CBY2: variants seen among roughly 807,000 people sequenced by gnomAD.
CBY2 encodes chibby family member 2.
Under a neutral mutation model 25.3 loss-of-function variants are expected in CBY2, and 23 were observed. The ratio of observed to expected loss-of-function variants is 0.91; its 90% confidence interval spans 0.65 to 1.29. The LOEUF (loss-of-function observed/expected upper bound fraction) is 1.29. CBY2 is among the 50% of genes most tolerant of loss of function. The pLI is 0.00. For missense variants in CBY2, 642 were observed against 590.7 expected, an observed-to-expected ratio of 1.09 and a Z score of -0.90; for synonymous variants, 279 against 260.2, an observed-to-expected ratio of 1.07 and a Z score of -0.70.
Position 45,704,254 on chromosome 13 carries a change from A to G in CBY2, c.156+1399A>G, listed in dbSNP as rs1950227823. Among the ~76,000 whole-genome samples, 2 of 152,070 alleles carry G rather than the reference A, an allele frequency of 1.3e-5. No homozygotes were observed. The highest frequency in any genetic ancestry group is 4.1e-4 in the South Asian group (2 of 4,822). ...CAGAAACAGCCCAACGATCAAGGAG[A>G]AGAGAAGGTGGTTTAAGACAGCTCA... On this transcript the variant is annotated intron_variant, in intron 2 of 2. Transcript: ENST00000310521. The surrounding 1 kb of genome is among the most constrained non-coding windows in gnomAD (Gnocchi z 4.1).
At chr13:45,706,874 A>T (rs999328911) in intron 2 of CBY2, among the ~76,000 whole-genome samples, 1 of 152,148 alleles carries the variant, frequency 6.6e-6, no homozygotes, top group Non-Finnish European at 1.5e-5. Flanking sequence ...CTGGAACTGC[A>T]TATGTTCGCT....
Position 45,704,754 on chromosome 13 carries a change from T to C in CBY2, c.156+1899T>C, listed in dbSNP as rs969972324. The stretch of plus-strand genomic sequence containing the variant: ...CCGGCAACCCCAGGAACCCCACTAG[T>C]AATGGCAGAGCTCGAGGAAGGGGCT... On this transcript the variant is annotated intron_variant, in intron 2 of 2. Coordinates refer to ENST00000310521, the MANE Select transcript of CBY2 (RefSeq NM_152719.3). This position sits in a 1 kb window ranked among gnomAD's most constrained non-coding sequence, Gnocchi z 4.1. 6.6e-6 allele frequency among the ~76,000 whole-genome samples: 1 copy of C among 152,158 alleles called. No individual in the cohort carries two copies. Among genetic ancestry groups the C allele is most frequent in the African/African-American group, 2.4e-5 (1 of 41,444 alleles).
At chr13:45,705,060 G>A (rs1373723840) in intron 2 of CBY2, among the ~76,000 whole-genome samples, 1 of 152,188 alleles carries the variant, frequency 6.6e-6, no homozygotes, top group African/African-American at 2.4e-5. Flanking sequence ...CCTGCTGTGC[G>A]TTTGGGCTTC....
chr13:45,711,897 TG>T (rs1185819228), intron 2 of CBY2, among the ~76,000 whole-genome samples: 3 of 152,184 alleles, frequency 2.0e-5, no homozygotes, highest in African/African-American at 7.2e-5. Context: ...ATGTCTGGGA[TG>T]GGTTTTCTTT....
At chr13:45,703,366 A>G in intron 2 of CBY2, 1 of 1,437,812 alleles carries the variant, frequency 7.0e-7, no homozygotes, top group Non-Finnish European at 9.1e-7. Flanking sequence ...ATGCTTTTTC[A>G]GTCAATGAAT....
intron 2 of CBY2, among the ~76,000 whole-genome samples, chr13:45,709,888 A>T (rs181406539): frequency 1.4e-4 from 22 of 152,348 alleles, no homozygotes; most frequent in African/African-American, 4.8e-4. Context: ...TACTTCACAC[A>T]TAGAAGGTCA....
Position 45,714,103 on chromosome 13 carries a change from A to G in CBY2, c.1078A>G (p.Arg360Gly). The G allele has an allele frequency of 6.4e-7, 1 of 1,557,642 alleles. No homozygotes were observed. The highest frequency in any genetic ancestry group is 2.3e-5 in the East Asian group (1 of 43,238). Residue 360 changes from arginine (R) to glycine (G), a missense_variant, in exon 3 of 3, where the codon AGA (arginine) becomes GGA (glycine). By Grantham distance (125) the Arg-to-Gly change is moderately radical (BLOSUM62 -2). Transcript: ENST00000310521. ...PDGCQPLQLL[R>G]EMRQALQALL... The stretch of plus-strand genomic sequence containing the variant: ...CGGCTGCCAGCCCCTGCAGCTGCTG[A>G]GAGAGATGAGGCAGGCGCTGCAGGC...
rs776992104 is a variant in CBY2 at position 45,713,779 on chromosome 13, G to A, written c.754G>A (p.Glu252Lys). The A allele has an allele frequency of 6.3e-7, 1 of 1,597,284 alleles. No homozygotes were observed. Among genetic ancestry groups the A allele is most frequent in the Non-Finnish European group, 8.5e-7 (1 of 1,172,204 alleles). ...GGACAGCACCCTGCAGCTCCTCCGG[G>A]AGGAGAATCGCGCGCTGCAGCAGCT... ...KEDSTLQLLR[E>K]ENRALQQLLE... The change falls in exon 3 of 3, where the codon GAG becomes AAG. Residue 252 changes from glutamate to lysine, a missense_variant. Transcript: ENST00000310521. This position sits in a 1 kb window ranked among gnomAD's most constrained non-coding sequence, Gnocchi z 5.0.
Position 45,713,431 on chromosome 13 carries a change from G to A in CBY2, c.406G>A (p.Val136Ile), listed in dbSNP as rs755027546. 1 of 1,614,210 alleles carries A rather than the reference G, an allele frequency of 6.2e-7. No individual in the cohort carries two copies. The highest frequency in any genetic ancestry group is 1.1e-5 in the South Asian group (1 of 91,080). Residue 136 changes from valine (V) to isoleucine (I), a missense_variant, in exon 3 of 3, where the codon GTA (valine) becomes ATA (isoleucine). By Grantham distance (29) the Val-to-Ile change is conservative (BLOSUM62 3). Coordinates refer to ENST00000310521, the MANE Select transcript of CBY2 (RefSeq NM_152719.3). The surrounding 1 kb of genome is among the most constrained non-coding windows in gnomAD (Gnocchi z 5.0). ...EMFVFQDGRW[V>I]NENCRLQSPY... is the part of the protein sequence containing the mutation. ...GTTCGTGTTCCAGGACGGGCGCTGG[G>A]TAAATGAGAACTGCCGCCTGCAGTC...
intron 2 of CBY2, chr13:45,703,643 T>C: frequency 7.0e-7 from 1 of 1,422,328 alleles, no homozygotes; most frequent in Non-Finnish European, 9.7e-7. Context: ...GATTGACCAC[T>C]GGTGGGCATT....
chr13:45,712,270 A>G (rs565396997), intron 2 of CBY2, among the ~76,000 whole-genome samples: 2 of 152,224 alleles, frequency 1.3e-5, no homozygotes, highest in Non-Finnish European at 2.9e-5. Flanking sequence ...TGTCTCTATG[A>G]GGCAAGGAGT....
Position 45,709,760 on chromosome 13 carries a change from TTC to T in CBY2, c.157-3414_157-3413del, listed in dbSNP as rs558749181. Among the ~76,000 whole-genome samples, 14 of 152,328 alleles carry T rather than the reference TTC, an allele frequency of 9.2e-5. No individual in the cohort carries two copies. The South Asian group carries it at 2.7e-3, about 29-fold the overall frequency. On this transcript the variant is annotated intron_variant, in intron 2 of 2. Coordinates refer to ENST00000310521, the MANE Select transcript of CBY2 (RefSeq NM_152719.3). ...GGGTACATGGACATTTATTAGACTATTCTCTCTCTTTTTGTGTATGTTTGAAA... is the reference window on the plus strand; with the variant it reads ...GGGTACATGGACATTTATTAGACTATTCTCTCTTTTTGTGTATGTTTGAAA...
Position 45,713,979 on chromosome 13 carries a change from G to A in CBY2, c.954G>A (p.Gln318=). The change falls in exon 3 of 3, where the codon CAG becomes CAA. Residue 318 remains glutamine (Q), a synonymous_variant. Transcript: ENST00000310521. This position sits in a 1 kb window ranked among gnomAD's most constrained non-coding sequence, Gnocchi z 5.0. ...AGCCCAAAGGGCCTCCGGCCCGGCA[G>A]GAGGACTCCAAGGAGCTGCGCGCCC... is the stretch of plus-strand genomic sequence containing the variant. ...FEEPKGPPAR[Q]EDSKELRALR... The A allele has an allele frequency of 6.6e-7, 1 of 1,513,610 alleles. No individual in the cohort carries two copies. Among genetic ancestry groups the A allele is most frequent in the Non-Finnish European group, 8.8e-7 (1 of 1,135,468 alleles). The allele number at this position is 1,513,610 out of a possible 1,614,324, so 93.8% of individuals were successfully genotyped here.
At chr13:45,702,628 G>A (rs1408537260) in intron 1 of CBY2, 147 bp from the exon 2 acceptor site, 18 of 857,942 alleles carry the variant, frequency 2.1e-5, no homozygotes, top group Admixed American at 6.3e-5. Flanking sequence ...TCATCTACAC[G>A]TTCTTTCAGA....
In CBY2 at chr13:45,713,259, C is replaced by T. The variant is rs1566071233; in HGVS notation, c.234C>T (p.Pro78=). ...TPRCAQQAAL[P]RLSRRMASQH... ...GCTGCGCGCAGCAGGCCGCCCTGCCCCGGCTGAGCCGCAGGATGGCGAGCC... is the reference window on the plus strand; with the variant it reads ...GCTGCGCGCAGCAGGCCGCCCTGCCTCGGCTGAGCCGCAGGATGGCGAGCC... The change falls in exon 3 of 3, where the codon CCC becomes CCT. Residue 78 remains proline, a synonymous_variant. Transcript: ENST00000310521. The surrounding 1 kb of genome is among the most constrained non-coding windows in gnomAD (Gnocchi z 5.0). 1 of 1,613,846 alleles carries T rather than the reference C, an allele frequency of 6.2e-7. No individual in the cohort carries two copies. Among genetic ancestry groups the T allele is most frequent in the South Asian group, 1.1e-5 (1 of 91,078 alleles).
intron 2 of CBY2, among the ~76,000 whole-genome samples, chr13:45,711,631 T>G (rs1485173400): frequency 6.6e-6 from 1 of 152,174 alleles, no homozygotes; most frequent in Admixed American, 6.5e-5. Context: ...TGGTTAGAAA[T>G]GCAGATTCCT....
At chr13:45,712,134 T>G (rs963430059) in intron 2 of CBY2, among the ~76,000 whole-genome samples, 1 of 152,234 alleles carries the variant, frequency 6.6e-6, no homozygotes, top group African/African-American at 2.4e-5. Context: ...CTGCTCATGC[T>G]AAGTGTGAGT....
chr13:45,709,764 C>T (rs1183156519), intron 2 of CBY2, among the ~76,000 whole-genome samples: 1 of 152,140 alleles, frequency 6.6e-6, no homozygotes, highest in Non-Finnish European at 1.5e-5. Flanking sequence ...AGACTATTCT[C>T]TCTCTTTTTG....
chr13:45,709,464 C>T (rs185956556), intron 2 of CBY2, among the ~76,000 whole-genome samples: 472 of 152,156 alleles, frequency 3.1e-3, no homozygotes, highest in Non-Finnish European at 4.9e-3. Context: ...CTGGCTGAAA[C>T]AAAACGATCG....
Sources: gnomAD v4.1 joint callset for allele counts (sites outside exome capture counted in the v4.1 genomes callset) on GRCh38, gnomAD v4.1.1 for gene constraint, Gnocchi (gnomAD v3.1) non-coding constraint, MANE v1.5 for transcripts, NCBI Gene and HGNC (gene_info 2026-07-23, HGNC 2026-07-21) for gene names.